Variants in ZMYND11 observed in about 807,000 individuals in gnomAD.
ZMYND11 encodes the protein zinc finger MYND domain-containing protein 11.
ZMYND11 carries 9 observed loss-of-function variants against 84.9 expected under a neutral mutation model. The observed-to-expected ratio is 0.11, with a 90% CI of 0.06 to 0.18. The LOEUF (loss-of-function observed/expected upper bound fraction) is 0.18. ZMYND11 is among the 10% of genes least tolerant of loss of function. ZMYND11 has a pLI of 1.00. For synonymous variants in ZMYND11, 250 were observed against 244.1 expected (o/e 1.02, Z -0.23); for missense variants, 409 against 761.0 (o/e 0.54, Z 5.44).
chr10:160,749 C>G (rs1842768357), intron 1 of ZMYND11, among the ~76,000 whole-genome samples: 1 of 152,192 alleles, frequency 6.6e-6, no homozygotes, highest in Non-Finnish European at 1.5e-5. Context: ...CCATAAGAAG[C>G]AGCTCCTCAT....
At chr10:244,192 A>G (rs1271068189) in intron 10 of ZMYND11, among the ~76,000 whole-genome samples, 1 of 152,190 alleles carries the variant, frequency 6.6e-6, no homozygotes, top group Non-Finnish European at 1.5e-5. Context: ...AAAAAATTTG[A>G]TACAATTATA....
chr10:165,906 G>C (rs1843897123), intron 1 of ZMYND11, among the ~76,000 whole-genome samples: 2 of 152,094 alleles, frequency 1.3e-5, no homozygotes, highest in Admixed American at 6.6e-5. Context: ...TAATAATATA[G>C]ATTTATAGTC....
At chr10:130,407 G>A (rs1238399488), upstream of ZMYND11, among the ~76,000 whole-genome samples, 1 of 152,122 alleles carries the variant, frequency 6.6e-6, no homozygotes, top group African/African-American at 2.4e-5. Context: ...TGGTAGAAGG[G>A]GAGCTCCTTT....
chr10:248,277 C>A (rs199882250), intron 12 of ZMYND11, 59 bp from the exon 13 acceptor site: 92 of 1,568,558 alleles, frequency 5.9e-5, no homozygotes, highest in South Asian at 2.4e-5. Flanking sequence ...TGGGGTAGTT[C>A]TTGAACTGGT....
intron 2 of ZMYND11, among the ~76,000 whole-genome samples, chr10:198,201 A>G (rs1391984953): frequency 6.6e-6 from 1 of 152,094 alleles, no homozygotes; most frequent in Non-Finnish European, 1.5e-5. Context: ...TAAAAATGTT[A>G]TTTTCCCCCA....
chr10:239,302 TTC>T (rs1950503613), intron 6 of ZMYND11, 134 bp from the exon 7 acceptor site: 1 of 668,954 alleles, frequency 1.5e-6, no homozygotes, highest in South Asian at 2.1e-5. Flanking sequence ...TTTACACACA[TTC>T]TCTGTCAATA....
intron 2 of ZMYND11, among the ~76,000 whole-genome samples, chr10:194,848 T>G (rs1105116): frequency 0.24 from 36,494 of 152,060 alleles, 4,724 homozygotes; most frequent in South Asian, 0.34. Flanking sequence ...TGGAGGGATG[T>G]AATGGAGGAA....
At chr10:247,560 C>A in intron 12 of ZMYND11, 94 bp downstream of exon 12, 2 of 1,331,122 alleles carry the variant, frequency 1.5e-6, no homozygotes, top group Non-Finnish European at 2.1e-6. Flanking sequence ...AAGACAGTCA[C>A]TCTTGGTGGA....
intron 2 of ZMYND11, among the ~76,000 whole-genome samples, chr10:209,241 G>A (rs1245023087): frequency 1.3e-5 from 2 of 152,128 alleles, no homozygotes; most frequent in African/African-American, 4.8e-5. Context: ...GATCCAGGGT[G>A]TGTCGGATAT....
rs1202004177 is a variant in ZMYND11, at chr10:254,171, T to C, written c.*1701T>C. On this transcript the variant is annotated 3_prime_UTR_variant, in exon 15 of 15. Coordinates refer to ENST00000381604, the MANE Select transcript of ZMYND11 (RefSeq NM_001370100.5). ...ACCTTCTTTGATTGTTTTTCAAGTT[T>C]TAAGACTTCGATCCACCCCTATGAG... 3.3e-5 allele frequency: 5 copies of C among 152,600 alleles called. No individual in the cohort carries two copies. The highest frequency in any genetic ancestry group is 2.6e-4 in the Admixed American group (4 of 15,278). 9.5% of individuals were successfully genotyped at this position (152,600 alleles called of 1,614,324 possible).
intron 1 of ZMYND11, among the ~76,000 whole-genome samples, chr10:157,894 C>G (rs1554759882): frequency 1.3e-5 from 2 of 152,172 alleles, no homozygotes. Flanking sequence ...CACCCGATCC[C>G]CGGGCACCTT....
At chr10:195,402 G>GA (rs552492912) in intron 2 of ZMYND11, among the ~76,000 whole-genome samples, 2 of 152,108 alleles carry the variant, frequency 1.3e-5, no homozygotes, top group African/African-American at 4.8e-5. Context: ...TTCAAGTTGT[G>GA]AAAAAAATTA....
In ZMYND11 at chr10:252,588, CTT is replaced by C; in HGVS notation, c.*121_*122del. On this transcript the variant is annotated 3_prime_UTR_variant, in exon 15 of 15. Coordinates refer to ENST00000381604, the MANE Select transcript of ZMYND11 (RefSeq NM_001370100.5). This position sits in a 1 kb window ranked among gnomAD's most constrained non-coding sequence, Gnocchi z 4.6. The stretch of plus-strand genomic sequence containing the variant: ...CCCATTTTGCACCAGCCTTTAAACA[CTT>C]TTCGTGAAGAAATTTTGCACAGTAG... 7.1e-7 allele frequency: 1 copy of C among 1,405,190 alleles called. No homozygotes were observed. The highest frequency in any genetic ancestry group is 1.5e-5 in the South Asian group (1 of 64,928). 87.0% of individuals were successfully genotyped at this position (1,405,190 alleles called of 1,614,324 possible).
At chr10:134,757 C>G (rs1835487598), upstream of ZMYND11, 2 of 152,626 alleles carry the variant, frequency 1.3e-5, no homozygotes, top group South Asian at 4.1e-4. Flanking sequence ...CCGGCCTCGG[C>G]GCCCGCTCCC....
chr10:201,944 C>T (rs1032921011), intron 2 of ZMYND11, among the ~76,000 whole-genome samples: 7 of 152,142 alleles, frequency 4.6e-5, no homozygotes, highest in Non-Finnish European at 1.0e-4. Context: ...CCAAATTGTT[C>T]TGTTTTCTCT....
At chr10:247,147 A>T (rs1952319533) in intron 11 of ZMYND11, 174 bp downstream of exon 11, 3 of 785,352 alleles carry the variant, frequency 3.8e-6, no homozygotes, top group South Asian at 1.8e-5. Context: ...ACATAGATGT[A>T]ACAATCAATG....
At chr10:234,221 C>CAACA (rs1353147593) in intron 4 of ZMYND11, among the ~76,000 whole-genome samples, 1 of 151,624 alleles carries the variant, frequency 6.6e-6, no homozygotes, top group Non-Finnish European at 1.5e-5. Flanking sequence ...AGAAAGGAAA[C>CAACA]AACAACAACA....
chr10:155,397 C>T (rs537678569), intron 1 of ZMYND11, among the ~76,000 whole-genome samples: 61 of 152,162 alleles, frequency 4.0e-4, no homozygotes, highest in Admixed American at 1.2e-3. Context: ...ACCTGTAATC[C>T]CAGCACTTTG....
intron 1 of ZMYND11, among the ~76,000 whole-genome samples, chr10:147,420 TC>T (rs1326956457): frequency 6.6e-6 from 1 of 152,106 alleles, no homozygotes; most frequent in African/African-American, 2.4e-5. Flanking sequence ...GGTATGTTCC[TC>T]CTATTGAGCT....
Sources: gnomAD v4.1 joint callset for allele counts (sites outside exome capture counted in the v4.1 genomes callset) on GRCh38, gnomAD v4.1.1 for gene constraint, Gnocchi (gnomAD v3.1) non-coding constraint, MANE v1.5 for transcripts, NCBI Gene and HGNC (gene_info 2026-07-23, HGNC 2026-07-21) for gene names.